Variants in KHDRBS2 observed in about 807,000 individuals in gnomAD.
KHDRBS2 encodes KH domain-containing, RNA-binding, signal transduction-associated protein 2.
KHDRBS2 carries 26 observed loss-of-function variants against 44.3 expected under a neutral mutation model. The ratio of observed to expected loss-of-function variants is 0.59; its 90% confidence interval spans 0.43 to 0.81. The LOEUF is 0.81. Ranked by LOEUF, KHDRBS2 falls within the 40% of genes least tolerant of loss-of-function variation. KHDRBS2 has a pLI of 0.00. For missense variants in KHDRBS2, 476 were observed against 433.1 expected, an observed-to-expected ratio of 1.10 and a Z score of -0.88; for synonymous variants, 194 against 151.1, an observed-to-expected ratio of 1.28 and a Z score of -2.08.
At chr6:61,848,489 A>T (rs201494039) in intron 6 of KHDRBS2, among the ~76,000 whole-genome samples, 3 of 44,626 alleles carry the variant, frequency 6.7e-5, no homozygotes, top group African/African-American at 3.8e-4. Context: ...ATATATATAT[A>T]TGTATATATA....
At chr6:62,218,236 G>A (rs750950030) in intron 1 of KHDRBS2, among the ~76,000 whole-genome samples, 27 of 151,858 alleles carry the variant, frequency 1.8e-4, no homozygotes, top group Admixed American at 3.3e-4. Context: ...CTGAGTAGAC[G>A]AGAACAATCC....
At chr6:61,559,425 T>A in the KHDRBS2 span, among the ~76,000 whole-genome samples, 1 of 152,040 alleles carries the variant, frequency 6.6e-6, no homozygotes, top group Non-Finnish European at 1.5e-5. Context: ...TCAATGTTAT[T>A]ACTAATAAGG....
At chr6:61,938,790 AAG>A (rs1358993679) in intron 4 of KHDRBS2, among the ~76,000 whole-genome samples, 3 of 152,184 alleles carry the variant, frequency 2.0e-5, no homozygotes, top group Non-Finnish European at 4.4e-5. Flanking sequence ...TGGAAATAGT[AAG>A]AGGGGATTCT....
intron 4 of KHDRBS2, among the ~76,000 whole-genome samples, chr6:61,904,335 G>A (rs970490513): frequency 1.3e-5 from 2 of 152,066 alleles, no homozygotes; most frequent in Non-Finnish European, 2.9e-5. Context: ...AACATGGAGG[G>A]GATTTCTTAT....
intron 1 of KHDRBS2, among the ~76,000 whole-genome samples, chr6:62,244,649 A>G (rs993976701): frequency 2.6e-5 from 4 of 152,142 alleles, no homozygotes; most frequent in Non-Finnish European, 5.9e-5. Context: ...TTGAGTCACC[A>G]TAGTACCAAT....
intron 4 of KHDRBS2, among the ~76,000 whole-genome samples, chr6:61,954,306 T>C (rs9360197): frequency 0.28 from 35,252 of 126,818 alleles, 4,494 homozygotes; most frequent in Middle Eastern, 0.32. Flanking sequence ...CACATATATA[T>C]ACATATACAT....
intron 2 of KHDRBS2, among the ~76,000 whole-genome samples, chr6:62,142,333 C>A (rs879941052): frequency 6.6e-6 from 1 of 151,958 alleles, no homozygotes; most frequent in African/African-American, 2.4e-5. Flanking sequence ...AGAAATGTGT[C>A]TTGTAGCCTG....
the KHDRBS2 span, among the ~76,000 whole-genome samples, chr6:61,567,381 A>T: frequency 6.6e-6 from 1 of 152,208 alleles, no homozygotes; most frequent in Admixed American, 6.5e-5. Context: ...TGTAAAATAC[A>T]TCTTAGACTG....
chr6:62,169,371 C>T (rs1330974947), intron 2 of KHDRBS2, among the ~76,000 whole-genome samples: 1 of 151,526 alleles, frequency 6.6e-6, no homozygotes, highest in Non-Finnish European at 1.5e-5. Context: ...ACAAATGTTG[C>T]CTTTGTAGAG....
intron 6 of KHDRBS2, among the ~76,000 whole-genome samples, chr6:61,886,503 T>C (rs1322756566): frequency 6.6e-6 from 1 of 151,150 alleles, no homozygotes; most frequent in Admixed American, 6.6e-5. Context: ...TTCCCTTTCC[T>C]GGAGCATGCA....
intron 4 of KHDRBS2, among the ~76,000 whole-genome samples, chr6:61,945,177 T>G (rs2127379474): frequency 8.2e-6 from 1 of 122,142 alleles, no homozygotes; most frequent in South Asian, 2.6e-4. Flanking sequence ...TGATAAAGTT[T>G]ATTTTTAATA....
chr6:62,048,545 C>A (rs1349698535), intron 2 of KHDRBS2, among the ~76,000 whole-genome samples: 1 of 151,754 alleles, frequency 6.6e-6, no homozygotes, highest in Non-Finnish European at 1.5e-5. Context: ...TAAAGGGACT[C>A]AATTATTGTT....
At chr6:61,822,424 T>G (rs2127253080) in intron 6 of KHDRBS2, among the ~76,000 whole-genome samples, 1 of 152,084 alleles carries the variant, frequency 6.6e-6, no homozygotes, top group African/African-American at 2.4e-5. Context: ...TTTCCTCAAC[T>G]CCAGTACCTT....
chr6:61,594,334 TTA>T, the KHDRBS2 span, among the ~76,000 whole-genome samples: 1 of 152,112 alleles, frequency 6.6e-6, no homozygotes, highest in Non-Finnish European at 1.5e-5. Context: ...GTTGGTAATT[TTA>T]TGAGTCCTGT....
chr6:61,677,415 ACT>A (rs971463600), downstream of KHDRBS2, among the ~76,000 whole-genome samples: 25 of 151,932 alleles, frequency 1.6e-4, no homozygotes, highest in African/African-American at 5.6e-4. Context: ...TCAGAATTTA[ACT>A]CTGTAATTTT....
At chr6:61,604,110 A>G in the KHDRBS2 span, among the ~76,000 whole-genome samples, 1 of 152,216 alleles carries the variant, frequency 6.6e-6, no homozygotes, top group Non-Finnish European at 1.5e-5. Context: ...ATCAATATTT[A>G]TATGACTCTA....
the KHDRBS2 span, among the ~76,000 whole-genome samples, chr6:61,602,739 C>T: frequency 2.0e-5 from 3 of 152,182 alleles, no homozygotes; most frequent in Non-Finnish European, 4.4e-5. Flanking sequence ...GCCTCCATAA[C>T]TGTTGTGGGT....
chr6:61,628,397 A>G, the KHDRBS2 span, among the ~76,000 whole-genome samples: 7 of 152,036 alleles, frequency 4.6e-5, no homozygotes, highest in African/African-American at 1.7e-4. Flanking sequence ...TCTCTCAAGT[A>G]GCAGGCACAC....
chr6:61,613,213 C>G, the KHDRBS2 span, among the ~76,000 whole-genome samples: 2 of 152,122 alleles, frequency 1.3e-5, no homozygotes, highest in African/African-American at 4.8e-5. Flanking sequence ...CTATAGAATA[C>G]AAGGGTCAGG....
Sources: gnomAD v4.1 joint callset for allele counts (sites outside exome capture counted in the v4.1 genomes callset) on GRCh38, gnomAD v4.1.1 for gene constraint, MANE v1.5 for transcripts, NCBI Gene and HGNC (gene_info 2026-07-23, HGNC 2026-07-21) for gene names.